The following PIEZO2 variants were observed in gnomAD, a reference collection of about 807,000 sequenced individuals.
The protein encoded by PIEZO2 is piezo-type mechanosensitive ion channel component 2.
A neutral mutation model predicts 337.3 loss-of-function variants in PIEZO2; 172 were observed. That is an observed-to-expected ratio of 0.51 (90% CI 0.45 to 0.58). The LOEUF is 0.58. Among genes scored for constraint, PIEZO2 ranks in the 20% least tolerant of loss-of-function variants. The pLI, the probability that PIEZO2 is intolerant of heterozygous loss-of-function variation, is 0.00. For synonymous variants in PIEZO2, 1,251 were observed against 1,228.5 expected, an observed-to-expected ratio of 1.02 and a Z score of -0.38; for missense variants, 3,028 against 3,391.3, an observed-to-expected ratio of 0.89 and a Z score of 2.66.
chr18:10,910,703 G>A lies in PIEZO2; in HGVS notation c.329+483C>T, dbSNP rs184141239. Among the ~76,000 whole-genome samples the A allele has an allele frequency of 5.1e-4, 77 of 152,298 alleles. 2 individuals are homozygous for A. Among genetic ancestry groups the A allele is most frequent in the African/African-American group, 1.8e-3 (76 of 41,562 alleles). ...AGTCTATTTTTGTTTCTTTTGGGGA[G>A]ATGCTGGTGTGGAGATGCTTTTAGC... On this transcript the variant is annotated intron_variant, in intron 4 of 55. Transcript: ENST00000674853.
chr18:10,946,313 A>G (rs1019292977), intron 3 of PIEZO2, among the ~76,000 whole-genome samples: 1 of 152,238 alleles, frequency 6.6e-6, no homozygotes, highest in African/African-American at 2.4e-5. Flanking sequence ...CAGTGGAGCA[A>G]CATTTTAAAA....
At chr18:10,725,952 A>C (rs575913658) in intron 36 of PIEZO2, among the ~76,000 whole-genome samples, 86 of 152,324 alleles carry the variant, frequency 5.6e-4, no homozygotes, top group Admixed American at 1.3e-3. Flanking sequence ...GTCCCTCTTC[A>C]TCGAGAATCC....
chr18:11,062,209 T>G (rs2037988247), intron 2 of PIEZO2, among the ~76,000 whole-genome samples: 1 of 151,828 alleles, frequency 6.6e-6, no homozygotes, highest in East Asian at 1.9e-4. Flanking sequence ...TAGCCATATG[T>G]AGAAAGCTGA....
Position 10,673,387 on chromosome 18 carries a change from A to G in PIEZO2, c.8162-514T>C, listed in dbSNP as rs1023547217. Among the ~76,000 whole-genome samples, 1 of 152,212 alleles carries G rather than the reference A, an allele frequency of 6.6e-6. No individual in the cohort carries two copies. Among genetic ancestry groups the G allele is most frequent in the Non-Finnish European group, 1.5e-5 (1 of 68,038 alleles). On this transcript the variant is annotated intron_variant, in intron 54 of 55. Coordinates refer to ENST00000674853, the MANE Select transcript of PIEZO2 (RefSeq NM_001378183.1). The surrounding 1 kb of genome is among the most constrained non-coding windows in gnomAD (Gnocchi z 4.8). The stretch of plus-strand genomic sequence containing the variant: ...ATGGGCACATGACAGCCACCATGGG[A>G]CCAGCATTGACAAGGTCTGTTGGCT...
intron 47 of PIEZO2, 61 bp from the exon 48 acceptor site, chr18:10,691,444 C>T: frequency 6.5e-7 from 1 of 1,531,188 alleles, no homozygotes; most frequent in Non-Finnish European, 8.9e-7. Context: ...AAAAGGATGG[C>T]AGTGTCAAAT....
At chr18:11,135,105 G>A (rs1330855735) in intron 1 of PIEZO2, among the ~76,000 whole-genome samples, 2 of 152,122 alleles carry the variant, frequency 1.3e-5, no homozygotes, top group East Asian at 1.9e-4. Context: ...ATTGGGATGA[G>A]GAATACACAG....
rs755407261 is a variant in PIEZO2, at chr18:10,677,771, C to T, written c.8057G>A (p.Ser2686Asn). Residue 2686 changes from serine to asparagine, a missense_variant, in exon 53 of 56, where the codon AGC (serine) becomes AAC (asparagine). Around this residue, in one of 5 missense-constraint regions of PIEZO2, gnomAD observed 332 missense variants for 363.8 expected, o/e 0.91. Coordinates refer to ENST00000674853, the MANE Select transcript of PIEZO2 (RefSeq NM_001378183.1). The surrounding 1 kb of genome is among the most constrained non-coding windows in gnomAD (Gnocchi z 4.1). ...CACTGGTGTTTTTGAACTTTCTGTG[C>T]TGTTGCCTGCTATCATTTTAGCGAT... ...KNIAKMIAGN[S>N]TESSKTPVTI... The T allele has an allele frequency of 3.1e-6, 5 of 1,610,822 alleles. No homozygotes were observed. In the African/African-American group the frequency reaches 5.4e-5, roughly 17 times the overall value.
In PIEZO2 at chr18:10,870,583, G is replaced by A. The variant is rs1303563475; in HGVS notation, c.492+670C>T. On this transcript the variant is annotated intron_variant, in intron 5 of 55. Transcript: ENST00000674853. The surrounding 1 kb of genome is among the most constrained non-coding windows in gnomAD (Gnocchi z 5.3). Reference sequence around the variant, plus strand: ...AACAGTGTCCTGAGGCTGGTCAGGGGGCAGCGTGAGAGCCGTCTGACAGCT... The same window carrying A: ...AACAGTGTCCTGAGGCTGGTCAGGGAGCAGCGTGAGAGCCGTCTGACAGCT... Among the ~76,000 whole-genome samples the A allele has an allele frequency of 1.3e-5, 2 of 151,370 alleles. No homozygotes were observed. The highest frequency in any genetic ancestry group is 3.9e-4 in the East Asian group (2 of 5,184).
intron 1 of PIEZO2, among the ~76,000 whole-genome samples, chr18:11,106,533 A>G (rs2039573520): frequency 6.6e-6 from 1 of 150,410 alleles, no homozygotes; most frequent in Non-Finnish European, 1.5e-5. Flanking sequence ...TCAGCCTCCC[A>G]AGAATCTGGG....
At chr18:10,717,213 T>G (rs2036046542) in intron 37 of PIEZO2, among the ~76,000 whole-genome samples, 2 of 152,214 alleles carry the variant, frequency 1.3e-5, no homozygotes, top group African/African-American at 4.8e-5. Flanking sequence ...CTCGAAAAAG[T>G]GCCTGAGAAA....
At chr18:10,916,804 G>A (rs886503971) in intron 3 of PIEZO2, among the ~76,000 whole-genome samples, 1 of 152,208 alleles carries the variant, frequency 6.6e-6, no homozygotes, top group Admixed American at 6.5e-5. Flanking sequence ...CACCAAGAAT[G>A]AGCGATGGCT....
intron 1 of PIEZO2, among the ~76,000 whole-genome samples, chr18:11,147,636 G>C (rs533442145): frequency 6.6e-6 from 1 of 152,250 alleles, no homozygotes; most frequent in Non-Finnish European, 1.5e-5. Context: ...GTGAGAGGGA[G>C]AGCAAAGAAC....
At position 10,766,947 on chromosome 18, in the gene PIEZO2, T is replaced by A. The variant is rs565502015; in HGVS notation, c.2946+3201A>T. The stretch of plus-strand genomic sequence containing the variant: ...ACAGACAAGAAGGAGAAACCTCAGG[T>A]CTGCAAAAGTTTCCTTCCTTCCTTC... On this transcript the variant is annotated intron_variant, in intron 21 of 55. Transcript: ENST00000674853. This position sits in a 1 kb window ranked among gnomAD's most constrained non-coding sequence, Gnocchi z 6.1. Among the ~76,000 whole-genome samples the A allele has an allele frequency of 9.0e-4, 137 of 151,984 alleles. No individual in the cohort carries two copies. The highest frequency in any genetic ancestry group is 3.2e-3 in the African/African-American group (131 of 41,448).
intron 3 of PIEZO2, among the ~76,000 whole-genome samples, chr18:10,960,901 CG>C (rs1013483464): frequency 6.6e-6 from 1 of 151,954 alleles, no homozygotes; most frequent in Non-Finnish European, 1.5e-5. Context: ...TGGTATGGCC[CG>C]GGGTGGTGGC....
At chr18:10,782,531 ATATAT>A (rs970783600) in intron 17 of PIEZO2, among the ~76,000 whole-genome samples, 3 of 134,872 alleles carry the variant, frequency 2.2e-5, no homozygotes, top group Non-Finnish European at 4.6e-5. Context: ...ATTATATAAT[ATATAT>A]TATAAAATTT....
chr18:10,745,771 A>C (rs1374992728), intron 30 of PIEZO2, among the ~76,000 whole-genome samples: 1 of 151,766 alleles, frequency 6.6e-6, no homozygotes, highest in African/African-American at 2.4e-5. Context: ...CTTCAATACT[A>C]TCTGTGTGAT....
At chr18:10,926,353 C>T (rs1004506259) in intron 3 of PIEZO2, among the ~76,000 whole-genome samples, 9 of 152,194 alleles carry the variant, frequency 5.9e-5, no homozygotes, top group Admixed American at 3.9e-4. Flanking sequence ...ATACTACAAT[C>T]CAGATCTTTT....
chr18:11,090,421 C>G (rs955705872), intron 1 of PIEZO2, among the ~76,000 whole-genome samples: 8 of 152,178 alleles, frequency 5.3e-5, no homozygotes, highest in South Asian at 2.1e-4. Context: ...AGAGGCCACT[C>G]AATGCAGGAT....
chr18:11,007,875 G>C (rs1335105568), intron 2 of PIEZO2, among the ~76,000 whole-genome samples: 1 of 152,096 alleles, frequency 6.6e-6, no homozygotes, highest in African/African-American at 2.4e-5. Flanking sequence ...AGTTCTTCAG[G>C]AAGGAAAACC....
Sources: allele counts gnomAD v4.1 joint callset (sites outside exome capture counted in the v4.1 genomes callset), GRCh38; gene constraint gnomAD v4.1.1; regional missense constraint gnomAD v4.1.1; non-coding constraint Gnocchi (gnomAD v3.1); transcripts MANE v1.5; gene names NCBI Gene and HGNC (gene_info 2026-07-23, HGNC 2026-07-21).